The following NLGN4Y variants were observed in gnomAD, a reference collection of about 807,000 sequenced individuals.
NLGN4Y encodes neuroligin 4 Y-linked.
Under a neutral mutation model 8.4 loss-of-function variants are expected in NLGN4Y, and 4 were observed. The ratio of observed to expected loss-of-function variants is 0.48; its 90% CI spans 0.23 to 1.09. The LOEUF is 1.09. Among genes scored for constraint, NLGN4Y ranks in the 50% least tolerant of loss-of-function variants. The pLI, the probability that NLGN4Y is intolerant of heterozygous loss-of-function variation, is 0.19. For missense variants in NLGN4Y, 90 were observed against 192.3 expected, an observed-to-expected ratio of 0.47 and a Z score of 3.15; for synonymous variants, 35 against 75.6, an observed-to-expected ratio of 0.46 and a Z score of 2.78.
intron 1 of NLGN4Y, among the ~76,000 whole-genome samples, chrY:14,563,107 A>G (rs534628300): frequency 2.9e-3 from 100 of 34,050 alleles, no homozygotes; most frequent in African/African-American, 0.01. Flanking sequence ...GAGAGAGGGC[A>G]TCCTTCTCTT....
intron 2 of NLGN4Y, among the ~76,000 whole-genome samples, chrY:14,687,867 C>G: frequency 3.0e-5 from 1 of 33,556 alleles, no homozygotes; most frequent in Non-Finnish European, 7.4e-5. Context: ...TGTTTTAAAG[C>G]AGGACTTTGC....
At chrY:14,756,868 T>C (rs1603503603) in intron 4 of NLGN4Y, among the ~76,000 whole-genome samples, 1 of 463 alleles carries the variant, frequency 2.2e-3, no homozygotes, top group Admixed American at 0.016. Context: ...ATTTTATACA[T>C]ATATATATAT....
intron 2 of NLGN4Y, among the ~76,000 whole-genome samples, chrY:14,706,868 G>A (rs2150547893): frequency 1.4e-4 from 3 of 20,846 alleles, no homozygotes; most frequent in South Asian, 1.2e-3. Context: ...TATTGATTGC[G>A]TGTGATGTGT....
chrY:14,741,839 A>C (rs2081007004), intron 4 of NLGN4Y, among the ~76,000 whole-genome samples: 4 of 33,790 alleles, frequency 1.2e-4, no homozygotes, highest in Admixed American at 2.7e-4. Flanking sequence ...CCTTGGTTGT[A>C]TGTGTGAGTC....
chrY:14,717,796 G>A, intron 2 of NLGN4Y, among the ~76,000 whole-genome samples: 1 of 33,234 alleles, frequency 3.0e-5, no homozygotes, highest in Non-Finnish European at 7.4e-5. Context: ...TTATGAAACA[G>A]CAATTTCAGC....
At chrY:14,790,554 A>G (rs768095883) in intron 4 of NLGN4Y, among the ~76,000 whole-genome samples, 1 of 33,531 alleles carries the variant, frequency 3.0e-5, no homozygotes, top group East Asian at 7.7e-4. Context: ...TCCTCCCTTC[A>G]CATGCAGTGA....
chrY:14,601,153 G>A, intron 1 of NLGN4Y, among the ~76,000 whole-genome samples: 6 of 28,928 alleles, frequency 2.1e-4, no homozygotes, highest in African/African-American at 4.1e-4. Flanking sequence ...GAATGATGTC[G>A]CCCAGTGATG....
At chrY:14,576,642 A>G (rs2080300291) in intron 1 of NLGN4Y, among the ~76,000 whole-genome samples, 1 of 33,540 alleles carries the variant, frequency 3.0e-5, no homozygotes, top group Non-Finnish European at 7.4e-5. Flanking sequence ...TTGGAAATGC[A>G]GTAATCACCC....
intron 1 of NLGN4Y, among the ~76,000 whole-genome samples, chrY:14,554,114 G>A: frequency 3.4e-5 from 1 of 29,731 alleles, no homozygotes; most frequent in Non-Finnish European, 7.9e-5. Flanking sequence ...TTATCTCAAT[G>A]TATGCCTATA....
At chrY:14,605,697 T>A (rs2080444879) in intron 1 of NLGN4Y, among the ~76,000 whole-genome samples, 1 of 32,973 alleles carries the variant, frequency 3.0e-5, no homozygotes, top group East Asian at 7.9e-4. Flanking sequence ...CCTTTCTGAC[T>A]GGTGTGAGTT....
intron 2 of NLGN4Y, among the ~76,000 whole-genome samples, chrY:14,681,620 T>C: frequency 2.9e-5 from 1 of 34,147 alleles, no homozygotes; most frequent in African/African-American, 1.1e-4. Context: ...TTAAAAGTTA[T>C]CAATATTGTA....
intron 4 of NLGN4Y, among the ~76,000 whole-genome samples, chrY:14,815,533 G>GTA (rs2043098214): frequency 3.0e-5 from 1 of 33,528 alleles, no homozygotes; most frequent in Non-Finnish European, 7.4e-5. Flanking sequence ...GGTGGTTGAA[G>GTA]TTGTAGAGTA....
chrY:14,557,901 A>G, intron 1 of NLGN4Y, among the ~76,000 whole-genome samples: 1 of 33,081 alleles, frequency 3.0e-5, no homozygotes. Context: ...TTCACGTTCA[A>G]CATGAAAAAA....
chrY:14,545,580 T>C (rs2080169840), intron 1 of NLGN4Y, among the ~76,000 whole-genome samples: 1 of 33,878 alleles, frequency 3.0e-5, no homozygotes, highest in African/African-American at 1.2e-4. Flanking sequence ...AAATGTCTTC[T>C]TTTGAGAAGT....
At position 14,792,784 on chromosome Y, in the gene NLGN4Y, CAAAAAAAAAAAAAAAAAAAAAAAAA is replaced by C; in HGVS notation, c.686-31388_686-31364del. On this transcript the variant is annotated intron_variant, in intron 4 of 6. Transcript: ENST00000684976. Reference sequence around the variant, plus strand: ...CAGCCCAGGAAATTGATCCTGTCTCCAAAAAAAAAAAAAAAAAAAAAAAAAAAAAAAAAAAAAAAATTCAACTACA... The same window carrying C: ...CAGCCCAGGAAATTGATCCTGTCTCCAAAAAAAAAAAAAAATTCAACTACA... Among the ~76,000 whole-genome samples, 5 of 478 alleles carry C rather than the reference CAAAAAAAAAAAAAAAAAAAAAAAAA, an allele frequency of 0.01. No homozygotes were observed. The Admixed American group carries it at 0.14, about 13-fold the overall frequency. 1.3% of individuals were successfully genotyped at this position (478 alleles called of 37,273 possible).
At chrY:14,682,017 G>A in intron 2 of NLGN4Y, among the ~76,000 whole-genome samples, 5 of 33,819 alleles carry the variant, frequency 1.5e-4, no homozygotes, top group Admixed American at 1.1e-3. Context: ...TTGACTCTGA[G>A]CATACCACAA....
At chrY:14,712,940 C>G (rs2080904123) in intron 2 of NLGN4Y, among the ~76,000 whole-genome samples, 1 of 33,425 alleles carries the variant, frequency 3.0e-5, no homozygotes, top group African/African-American at 1.2e-4. Context: ...CGTTGGATTA[C>G]AAGATTAAGC....
At chrY:14,542,351 G>A (rs2080152867) in intron 1 of NLGN4Y, among the ~76,000 whole-genome samples, 1 of 33,091 alleles carries the variant, frequency 3.0e-5, no homozygotes, top group Non-Finnish European at 7.4e-5. Context: ...AGTAATAGTG[G>A]GAGACTTTAA....
chrY:14,555,425 G>A, intron 1 of NLGN4Y, among the ~76,000 whole-genome samples: 1 of 32,034 alleles, frequency 3.1e-5, no homozygotes, highest in Non-Finnish European at 7.6e-5. Flanking sequence ...TTTTGTAAGG[G>A]CACCAGTCCC....
Sources: gnomAD v4.1 joint callset for allele counts (sites outside exome capture counted in the v4.1 genomes callset) on GRCh38, gnomAD v4.1.1 for gene constraint, MANE v1.5 for transcripts, NCBI Gene and HGNC (gene_info 2026-07-23, HGNC 2026-07-21) for gene names.